Variants in POLK observed in about 807,000 individuals in gnomAD.
POLK encodes polymerase (DNA directed) kappa.
In POLK, 76 loss-of-function variants were observed where a neutral mutation model predicts 94.0. The ratio of observed to expected loss-of-function variants is 0.81; its 90% confidence interval spans 0.67 to 0.98. The LOEUF is 0.98. Ranked by LOEUF, POLK falls within the 50% of genes least tolerant of loss-of-function variation. The probability of loss-of-function intolerance (pLI) is 0.00; values close to 1 mark genes in which losing one functional copy is unlikely to be tolerated. For synonymous variants in POLK, 349 were observed against 325.4 expected (o/e 1.07, Z -0.78); for missense variants, 954 against 1,010.1 (o/e 0.94, Z 0.75).
At chr5:75,565,470 T>C (rs549209955) in intron 3 of POLK, among the ~76,000 whole-genome samples, 1 of 152,192 alleles carries the variant, frequency 6.6e-6, no homozygotes. Flanking sequence ...TGTTCTGTTA[T>C]TTGGAATTTT....
chr5:75,587,610 A>G (rs913567357), intron 10 of POLK, among the ~76,000 whole-genome samples: 2 of 152,178 alleles, frequency 1.3e-5, no homozygotes, highest in African/African-American at 4.8e-5. Flanking sequence ...GCAAGTTTCC[A>G]CTGAGACATT....
At chr5:75,515,728 T>G (rs910376551) in intron 1 of POLK, among the ~76,000 whole-genome samples, 1 of 152,194 alleles carries the variant, frequency 6.6e-6, no homozygotes, top group African/African-American at 2.4e-5. Flanking sequence ...CCACCAACAG[T>G]GTAGCAGGGT....
chr5:75,569,530 C>T lies in POLK; in HGVS notation c.408+38C>T, dbSNP rs202073036. 5,896 of 1,532,560 alleles carry T rather than the reference C, an allele frequency of 3.8e-3. 18 individuals carry two copies. The highest frequency in any genetic ancestry group is 4.9e-3 in the Non-Finnish European group (5,420 of 1,117,464). The allele number at this position is 1,532,560 out of a possible 1,614,324, so 94.9% of individuals were successfully genotyped here. ...CAAATACAAAAAGGAAATTTTATAA[C>T]GTACTCAAGTAAGCTTTACTGTTTC... On this transcript the variant is annotated intron_variant, in intron 4 of 14. Transcript: ENST00000241436.
intron 1 of POLK, among the ~76,000 whole-genome samples, chr5:75,539,254 C>CTTT (rs762897779): frequency 1.4e-5 from 2 of 141,670 alleles, no homozygotes; most frequent in African/African-American, 5.2e-5. Flanking sequence ...CTTCTTGCTG[C>CTTT]TTTTTTTTTT....
At chr5:75,556,793 G>A (rs554195254) in intron 3 of POLK, among the ~76,000 whole-genome samples, 10 of 151,856 alleles carry the variant, frequency 6.6e-5, no homozygotes, top group Admixed American at 2.6e-4. Flanking sequence ...TAGGTGTGGC[G>A]GCTCACGCCT....
At chr5:75,559,836 A>G (rs752336270) in intron 3 of POLK, among the ~76,000 whole-genome samples, 1 of 152,160 alleles carries the variant, frequency 6.6e-6, no homozygotes, top group Non-Finnish European at 1.5e-5. Flanking sequence ...GGGCTGGCCA[A>G]CAATTGATTT....
chr5:75,537,835 G>GT (rs1008632302), intron 1 of POLK, among the ~76,000 whole-genome samples: 25 of 151,598 alleles, frequency 1.6e-4, no homozygotes, highest in Middle Eastern at 3.4e-3. Flanking sequence ...TTCAAATTTT[G>GT]TTTTTTTTAT....
chr5:75,517,895 CAT>C (rs535746607), intron 1 of POLK, among the ~76,000 whole-genome samples: 1 of 152,116 alleles, frequency 6.6e-6, no homozygotes, highest in Non-Finnish European at 1.5e-5. Context: ...TTGAAATGGT[CAT>C]ATGTTTTTGG....
exon 13 of POLK, chr5:75,596,253 G>A (rs561829847): frequency 6.2e-7 from 1 of 1,609,040 alleles, no homozygotes; most frequent in African/African-American, 1.3e-5. Context: ...CCAATGAAGA[G>A]GACAGGAAAC....
chr5:75,585,872 A>T (rs576159723), intron 9 of POLK, among the ~76,000 whole-genome samples: 1 of 152,182 alleles, frequency 6.6e-6, no homozygotes, highest in Non-Finnish European at 1.5e-5. Context: ...TATAAAATTG[A>T]TGGACTAATT....
At chr5:75,561,157 A>T (rs928595771) in intron 3 of POLK, among the ~76,000 whole-genome samples, 3 of 152,146 alleles carry the variant, frequency 2.0e-5, no homozygotes, top group Non-Finnish European at 1.5e-5. Context: ...CTATTTCTCC[A>T]CATCCTCTCC....
chr5:75,542,654 CATATATATATACACATATATACAT>C (rs1420015117), intron 1 of POLK, among the ~76,000 whole-genome samples: 46 of 135,052 alleles, frequency 3.4e-4, no homozygotes, highest in African/African-American at 1.5e-3. Context: ...CATATATACA[CATATATATATACACATATATACAT>C]ATATATACAT....
intron 1 of POLK, among the ~76,000 whole-genome samples, chr5:75,544,641 C>CTGAATGAATGAA (rs61178645): frequency 1.3e-5 from 2 of 151,592 alleles, no homozygotes; most frequent in East Asian, 3.9e-4. Context: ...GACTTTGTCT[C>CTGAATGAATGAA]TGAATGAATG....
rs1348297156 is a variant in POLK, at chr5:75,596,125, T to C, written c.1529-97T>C. 5 of 693,000 alleles carry C rather than the reference T, an allele frequency of 7.2e-6. No individual in the cohort carries two copies. The East Asian group carries it at 1.3e-4, about 17-fold the overall frequency. 42.9% of individuals were successfully genotyped at this position (693,000 alleles called of 1,614,324 possible). ...ACTTATAGTTTCTCTCTAGCCAACCTTTTGTATATGTCATAGCACTAGACA... is the reference window on the plus strand; with the variant it reads ...ACTTATAGTTTCTCTCTAGCCAACCCTTTGTATATGTCATAGCACTAGACA... On this transcript the variant is annotated intron_variant, in intron 12 of 14. Coordinates refer to ENST00000241436, the Ensembl canonical transcript of POLK.
chr5:75,513,733 A>G (rs1337924027), intron 1 of POLK, among the ~76,000 whole-genome samples: 2 of 152,220 alleles, frequency 1.3e-5, no homozygotes, highest in Admixed American at 6.5e-5. Flanking sequence ...CTTCACTATA[A>G]CATTGGAAAA....
rs5744599 is a variant in POLK, at chr5:75,550,797, G to C, written c.136-1675G>C. ...GGGCATCTATAAAAAAGCCTACAGT[G>C]TACATCATACTTTATGGTGGAAGGC... is the stretch of plus-strand genomic sequence containing the variant. On this transcript the variant is annotated intron_variant, in intron 2 of 14. Coordinates refer to ENST00000241436, the Ensembl canonical transcript of POLK. 1.4e-4 allele frequency among the ~76,000 whole-genome samples: 22 copies of C among 152,234 alleles called. No individual in the cohort carries two copies. The East Asian group carries it at 2.7e-3, about 19-fold the overall frequency.
intron 3 of POLK, chr5:75,568,725 T>G (rs1187841633): frequency 2.3e-6 from 1 of 435,816 alleles, no homozygotes; most frequent in Non-Finnish European, 4.5e-6. Context: ...AGAGGAACAT[T>G]TACATTATGC....
chr5:75,560,922 G>T (rs138173855), intron 3 of POLK, among the ~76,000 whole-genome samples: 2,539 of 152,188 alleles, frequency 0.017, 78 homozygotes, highest in African/African-American at 0.058. Context: ...TCATTGATGG[G>T]CATTTGGGTT....
At chr5:75,569,252 C>A in intron 3 of POLK, 88 bp from the exon 4 acceptor site, 1 of 858,520 alleles carries the variant, frequency 1.2e-6, no homozygotes, top group Non-Finnish European at 1.8e-6. Flanking sequence ...GACTGATAGA[C>A]ACTTAATAAA....
Sources: gnomAD v4.1 joint callset for allele counts (sites outside exome capture counted in the v4.1 genomes callset) on GRCh38, gnomAD v4.1.1 for gene constraint, MANE v1.5 for transcripts, NCBI Gene and HGNC (gene_info 2026-07-23, HGNC 2026-07-21) for gene names.